Variants in PCID2 observed in about 807,000 individuals in gnomAD.
PCID2 encodes the protein PCI domain-containing protein 2.
In PCID2, 41 loss-of-function variants were observed where a neutral mutation model predicts 61.3. That is an observed-to-expected ratio of 0.67 (90% confidence interval 0.52 to 0.87). The LOEUF is 0.87. Among genes scored for constraint, PCID2 ranks in the 40% least tolerant of loss-of-function variants. The pLI is 0.00. For missense variants in PCID2, 392 were observed against 493.4 expected, an observed-to-expected ratio of 0.79 and a Z score of 1.95; for synonymous variants, 187 against 177.8, an observed-to-expected ratio of 1.05 and a Z score of -0.41.
intron 1 of PCID2, among the ~76,000 whole-genome samples, chr13:113,201,944 C>T (rs1041797360): frequency 1.3e-5 from 2 of 151,956 alleles, no homozygotes; most frequent in African/African-American, 2.4e-5. Flanking sequence ...ACAAGACTGA[C>T]CGGGGATGTC....
chr13:113,178,082 G>A lies in PCID2; in HGVS notation c.*116C>T, dbSNP rs536714383. The A allele has an allele frequency of 6.4e-6, 4 of 622,822 alleles. No individual in the cohort carries two copies. In the African/African-American group the frequency reaches 7.3e-5, roughly 11 times the overall value. 38.6% of individuals were successfully genotyped at this position (622,822 alleles called of 1,614,324 possible). A position where few individuals can be genotyped will look rare whatever the true frequency, so the allele number is the denominator to read the frequency against. ...CTCAGCCTCAGCATCCCTGGGAAAA[G>A]CGCCTCCAAGAGTTCCGGCTTCAGG... On this transcript the variant is annotated 3_prime_UTR_variant, in exon 14 of 14. Coordinates refer to ENST00000337344, the MANE Select transcript of PCID2 (RefSeq NM_001127202.4).
Position 113,208,626 on chromosome 13 carries a change from GT to G in PCID2, c.8del (p.His3ProfsTer64), listed in dbSNP as rs989877015. On this transcript the variant is annotated frameshift_variant, in exon 1 of 14. Transcript: ENST00000337344. LOFTEE classifies it high-confidence loss of function. MA[H>X]ITINQYLQQV... Reference sequence around the variant, plus strand: ...GCTGCAGGTACTGGTTAATGGTAATGTGCGCCATGGGAGCGCCGCCGAACGG... The same window carrying G: ...GCTGCAGGTACTGGTTAATGGTAATGGCGCCATGGGAGCGCCGCCGAACGG... 2.5e-6 allele frequency: 4 copies of G among 1,607,736 alleles called. No homozygotes were observed. The African/African-American group carries it at 5.4e-5, about 22-fold the overall frequency.
intron 1 of PCID2, among the ~76,000 whole-genome samples, chr13:113,207,309 C>T (rs769120930): frequency 2.0e-5 from 3 of 152,160 alleles, no homozygotes; most frequent in Non-Finnish European, 2.9e-5. Context: ...TTTTAAAAGG[C>T]TCACTTGAGT....
chr13:113,169,219 C>T, the PCID2 span, among the ~76,000 whole-genome samples: 1 of 152,232 alleles, frequency 6.6e-6, no homozygotes, highest in African/African-American at 2.4e-5. Flanking sequence ...TCAATCTGTT[C>T]TTCTGCAATG....
chr13:113,200,692 ATT>A (rs1467558714), intron 1 of PCID2, 176 bp from the exon 2 acceptor site: 1 of 362,630 alleles, frequency 2.8e-6, no homozygotes, highest in African/African-American at 2.4e-5. Flanking sequence ...GTAAACAATA[ATT>A]TCTTTTTTTT....
At chr13:113,185,415 T>G in intron 8 of PCID2, 70 bp downstream of exon 8, 1 of 1,021,656 alleles carries the variant, frequency 9.8e-7, no homozygotes, top group Non-Finnish European at 1.6e-6. Flanking sequence ...AGCTGATATA[T>G]ATATGATATG....
At chr13:113,200,671 C>T in intron 1 of PCID2, 155 bp from the exon 2 acceptor site, 1 of 521,028 alleles carries the variant, frequency 1.9e-6, no homozygotes, top group East Asian at 3.3e-5. Flanking sequence ...GGTCACTACT[C>T]TCTGCAGTGG....
chr13:113,175,623 G>C (rs535446123), downstream of PCID2, among the ~76,000 whole-genome samples: 1 of 152,258 alleles, frequency 6.6e-6, no homozygotes, highest in East Asian at 1.9e-4. Flanking sequence ...AGTTTGCTCC[G>C]TGTCTGCCCC....
At chr13:113,176,284 A>T, downstream of PCID2, among the ~76,000 whole-genome samples, 1 of 152,282 alleles carries the variant, frequency 6.6e-6, no homozygotes. Flanking sequence ...AATTTTTTAT[A>T]AACGGGGAAA....
intron 6 of PCID2, 67 bp downstream of exon 6, chr13:113,195,004 G>A (rs1344889570): frequency 1.8e-5 from 20 of 1,118,598 alleles, no homozygotes; most frequent in Non-Finnish European, 2.7e-5. Context: ...AGAATGACAT[G>A]AAATTAAACA....
intron 7 of PCID2, among the ~76,000 whole-genome samples, chr13:113,190,491 A>C (rs1476982042): frequency 1.3e-5 from 2 of 152,190 alleles, no homozygotes; most frequent in African/African-American, 4.8e-5. Flanking sequence ...TGGTAAAGAG[A>C]GAACATTTCT....
intron 7 of PCID2, chr13:113,188,710 AC>A (rs1471407609): frequency 1.3e-5 from 2 of 152,030 alleles, no homozygotes; most frequent in Admixed American, 1.3e-4. Context: ...CATTCAAGAA[AC>A]CCTCTATTTC....
the PCID2 span, chr13:113,166,420 C>A: frequency 1.3e-5 from 2 of 152,100 alleles, no homozygotes; most frequent in African/African-American, 4.8e-5. Context: ...CCTCAGGGGC[C>A]CCCCTTGTGA....
chr13:113,177,356 C>T (rs2037218590), downstream of PCID2, among the ~76,000 whole-genome samples: 2 of 151,720 alleles, frequency 1.3e-5, no homozygotes, highest in Non-Finnish European at 2.9e-5. Flanking sequence ...AGGCTGGTCT[C>T]CAACTCTCAA....
chr13:113,176,149 G>A (rs565519321), downstream of PCID2, among the ~76,000 whole-genome samples: 9 of 152,328 alleles, frequency 5.9e-5, no homozygotes, highest in Middle Eastern at 3.4e-3. Flanking sequence ...GTCCTGCGCC[G>A]CGCGGCCCGG....
chr13:113,208,003 A>G, intron 1 of PCID2: 2 of 1,604,712 alleles, frequency 1.2e-6, no homozygotes, highest in Non-Finnish European at 1.7e-6. Context: ...TCCATCTTTT[A>G]ACTGTGCTTC....
intron 6 of PCID2, among the ~76,000 whole-genome samples, chr13:113,192,161 G>A (rs1353453096): frequency 6.6e-6 from 1 of 152,200 alleles, no homozygotes; most frequent in Non-Finnish European, 1.5e-5. Context: ...AGGAGGCTGA[G>A]GTGGGAGGCT....
At chr13:113,188,248 G>GA (rs147615627) in intron 7 of PCID2, 6,441 of 152,358 alleles carry the variant, frequency 0.042, 499 homozygotes, top group African/African-American at 0.15. Flanking sequence ...GCCTCAGTGG[G>GA]AAAGTGCCAT....
intron 1 of PCID2, among the ~76,000 whole-genome samples, chr13:113,203,288 A>G (rs910865062): frequency 1.3e-5 from 2 of 152,230 alleles, no homozygotes; most frequent in African/African-American, 4.8e-5. Context: ...CTCCTGCCCC[A>G]GTCCATGCAA....
Sources: allele counts gnomAD v4.1 joint callset (sites outside exome capture counted in the v4.1 genomes callset), GRCh38; gene constraint gnomAD v4.1.1; transcripts MANE v1.5; gene names NCBI Gene and HGNC (gene_info 2026-07-23, HGNC 2026-07-21).